Variants in ZMYM2 observed in about 807,000 individuals in gnomAD.
The protein encoded by ZMYM2 is zinc finger MYM-type containing 2.
A neutral mutation model predicts 162.8 loss-of-function variants in ZMYM2; 56 were observed. The ratio of observed to expected loss-of-function variants is 0.34; its 90% CI spans 0.28 to 0.43. The LOEUF is 0.43. Ranked by LOEUF, ZMYM2 falls within the 20% of genes least tolerant of loss-of-function variation. The pLI is 1.00. For synonymous variants in ZMYM2, 510 were observed against 541.6 expected (o/e 0.94, Z 0.81); for missense variants, 1,275 against 1,621.8 (o/e 0.79, Z 3.67).
At chr13:20,070,899 C>G (rs1957038632) in intron 21 of ZMYM2, 1 of 152,616 alleles carries the variant, frequency 6.6e-6, no homozygotes, top group African/African-American at 2.4e-5. Context: ...ATTAAGAGTT[C>G]TTCAGTGTAG....
At chr13:19,872,834 G>A in the ZMYM2 span, among the ~76,000 whole-genome samples, 1,828 of 151,640 alleles carry the variant, frequency 0.012, 36 homozygotes, top group African/African-American at 0.04. Context: ...CACCCCGTCT[G>A]CCTAAAATAC....
intron 2 of ZMYM2, among the ~76,000 whole-genome samples, chr13:19,992,760 C>G (rs1481023252): frequency 6.6e-6 from 1 of 151,406 alleles, no homozygotes; most frequent in East Asian, 1.9e-4. Context: ...TAGTGTACCC[C>G]TGAAAGGAGG....
At chr13:19,979,272 G>C (rs1401965120) in intron 2 of ZMYM2, among the ~76,000 whole-genome samples, 2 of 152,006 alleles carry the variant, frequency 1.3e-5, no homozygotes, top group Non-Finnish European at 2.9e-5. Flanking sequence ...TGAGCTTCTT[G>C]GATATGTATA....
chr13:20,075,006 A>G (rs932676223), intron 21 of ZMYM2, among the ~76,000 whole-genome samples: 2 of 152,190 alleles, frequency 1.3e-5, no homozygotes, highest in African/African-American at 4.8e-5. Context: ...TATTGGATAC[A>G]TTTTCACAGA....
chr13:19,917,340 G>A, the ZMYM2 span, among the ~76,000 whole-genome samples: 1 of 152,078 alleles, frequency 6.6e-6, no homozygotes, highest in African/African-American at 2.4e-5. Context: ...TGTAATCCCT[G>A]CACTTTGAGG....
chr13:19,886,417 C>G, the ZMYM2 span, among the ~76,000 whole-genome samples: 2 of 151,696 alleles, frequency 1.3e-5, no homozygotes, highest in African/African-American at 4.9e-5. Flanking sequence ...CCTGCCTCGG[C>G]CTCCCAAAGT....
At position 20,019,583 on chromosome 13, in the gene ZMYM2, G is replaced by T. The variant is rs780954947; in HGVS notation, c.1549G>T (p.Asp517Tyr). 6 of 1,597,314 alleles carry T rather than the reference G, an allele frequency of 3.8e-6. No individual in the cohort carries two copies. The East Asian group carries it at 1.3e-4, about 36-fold the overall frequency. ...SHPSFLKEVR[D>Y]HMQDSFLMQP... ...TCCAAGCTTCCTGAAGGAGGTTCGA[G>T]ATCACATGCAGGACTCTTTCTTAAT... Residue 517 changes from aspartate (D) to tyrosine (Y), a missense_variant, in exon 7 of 25, where the codon GAT becomes TAT. Physicochemically the swap from Asp to Tyr is radical, Grantham distance 160 (BLOSUM62 -3). Transcript: ENST00000610343.
intron 2 of ZMYM2, among the ~76,000 whole-genome samples, chr13:19,963,163 A>C (rs751801886): frequency 1.3e-5 from 2 of 152,142 alleles, no homozygotes; most frequent in Admixed American, 6.5e-5. Flanking sequence ...TAGCGAATGC[A>C]AGGAGAGCCC....
chr13:20,067,474 T>G, intron 21 of ZMYM2, 84 bp downstream of exon 21: 1 of 1,336,548 alleles, frequency 7.5e-7, no homozygotes, highest in East Asian at 2.5e-5. Context: ...TTATGGAACC[T>G]TTATTGACTT....
chr13:20,080,476 C>A (rs960437531), intron 21 of ZMYM2, among the ~76,000 whole-genome samples: 1 of 151,610 alleles, frequency 6.6e-6, no homozygotes, highest in Non-Finnish European at 1.5e-5. Context: ...AAATTGAATC[C>A]GACAATATCT....
the ZMYM2 span, among the ~76,000 whole-genome samples, chr13:19,937,152 CT>C: frequency 0.013 from 1,862 of 146,842 alleles, 102 homozygotes; most frequent in Admixed American, 0.085. Context: ...TAGTATTCTA[CT>C]TTTTTTTTTT....
the ZMYM2 span, among the ~76,000 whole-genome samples, chr13:19,866,662 C>G: frequency 2.0e-5 from 3 of 152,286 alleles, no homozygotes; most frequent in African/African-American, 4.8e-5. Context: ...GAAACTCCGT[C>G]TCAAAAACTA....
chr13:19,999,059 T>A (rs896178079), intron 3 of ZMYM2, among the ~76,000 whole-genome samples: 2 of 152,172 alleles, frequency 1.3e-5, no homozygotes, highest in Non-Finnish European at 2.9e-5. Flanking sequence ...AACTGGAGAC[T>A]TCTACTAAAC....
At chr13:19,922,822 A>T in the ZMYM2 span, among the ~76,000 whole-genome samples, 1 of 151,164 alleles carries the variant, frequency 6.6e-6, no homozygotes, top group Admixed American at 6.6e-5. Context: ...CCAGCCTGGG[A>T]GACAGAGCGA....
intron 24 of ZMYM2, among the ~76,000 whole-genome samples, 173 bp from the exon 25 acceptor site, chr13:20,085,649 A>G (rs1395724082): frequency 1.3e-5 from 2 of 152,208 alleles, no homozygotes; most frequent in African/African-American, 2.4e-5. Flanking sequence ...AATAATCTCT[A>G]TCTCAGAAAA....
chr13:20,001,419 C>T (rs1219629954), intron 3 of ZMYM2, among the ~76,000 whole-genome samples: 1 of 150,802 alleles, frequency 6.6e-6, no homozygotes, highest in Non-Finnish European at 1.5e-5. Context: ...AAAAGTAGAG[C>T]CCGAAGATGA....
chr13:19,892,588 A>C, the ZMYM2 span, among the ~76,000 whole-genome samples: 1 of 151,358 alleles, frequency 6.6e-6, no homozygotes, highest in Non-Finnish European at 1.5e-5. Flanking sequence ...TAATGATTTA[A>C]ATAAAATTTT....
upstream of ZMYM2, among the ~76,000 whole-genome samples, chr13:19,955,079 T>C (rs941684666): frequency 2.0e-4 from 31 of 152,198 alleles, no homozygotes; most frequent in African/African-American, 7.5e-4. Flanking sequence ...CCCAAAGTGC[T>C]GGGATTACAG....
the ZMYM2 span, among the ~76,000 whole-genome samples, chr13:19,929,550 C>T: frequency 1.3e-5 from 2 of 151,972 alleles, no homozygotes; most frequent in Admixed American, 1.3e-4. Flanking sequence ...CTCCTTTTAT[C>T]CTTAATGTGG....
Sources: allele counts gnomAD v4.1 joint callset (sites outside exome capture counted in the v4.1 genomes callset), GRCh38; gene constraint gnomAD v4.1.1; transcripts MANE v1.5; gene names NCBI Gene and HGNC (gene_info 2026-07-23, HGNC 2026-07-21).